NBPF9: variants seen among roughly 807,000 people sequenced by gnomAD.
The protein encoded by NBPF9 is NBPF member 9.
In NBPF9, 91 loss-of-function variants were observed where a neutral mutation model predicts 97.8. That is an observed-to-expected ratio of 0.93 (90% CI 0.79 to 1.11). NBPF9 has a LOEUF of 1.11. Ranked by LOEUF, NBPF9 falls within the 50% of genes least tolerant of loss-of-function variation. NBPF9 has a pLI of 0.00. For missense variants in NBPF9, 992 were observed against 939.5 expected (o/e 1.06, Z -0.73); for synonymous variants, 334 against 359.5 (o/e 0.93, Z 0.80).
At chr1:149,076,505 A>C (rs1225428753) in intron 11 of NBPF9, among the ~76,000 whole-genome samples, 2 of 122,942 alleles carry the variant, frequency 1.6e-5, no homozygotes, top group East Asian at 2.4e-4. Flanking sequence ...CAGAGACTTT[A>C]TTTTTTTTTT....
At chr1:149,089,693 G>A (rs1553246787) in intron 5 of NBPF9, among the ~76,000 whole-genome samples, 7,574 of 150,588 alleles carry the variant, frequency 0.05, 30 homozygotes, top group East Asian at 0.37. Flanking sequence ...ACAGCTCAGC[G>A]TAAAGCACTC....
rs111393524 is a variant in NBPF9 at position 149,072,983 on chromosome 1, C to T, written c.1092-51G>A. ...TAAGAGTGGAAAGGGTTGAGTGATC[C>T]GCTCAAATATTGCAACAGAGATTTC... On this transcript the variant is annotated intron_variant, in intron 13 of 29. Transcript: ENST00000584027. 120 of 1,577,808 alleles carry T rather than the reference C, an allele frequency of 7.6e-5. 3 individuals carry two copies. The highest frequency in any genetic ancestry group is 1.4e-4 in the South Asian group (13 of 90,434).
At chr1:149,058,784 T>C (rs2078405984) in intron 26 of NBPF9, 141 bp downstream of exon 26, 2 of 669,832 alleles carry the variant, frequency 3.0e-6, no homozygotes, top group Admixed American at 2.2e-5. Flanking sequence ...GACTACAGTT[T>C]CATTACAACC....
intron 4 of NBPF9, among the ~76,000 whole-genome samples, chr1:149,095,641 A>G (rs2081704292): frequency 2.1e-5 from 3 of 140,172 alleles, no homozygotes; most frequent in South Asian, 2.3e-4. Context: ...AAAAAAAAAA[A>G]GGTGAAAGAT....
intron 17 of NBPF9, among the ~76,000 whole-genome samples, chr1:149,069,033 A>G (rs587740076): frequency 9.2e-5 from 14 of 152,344 alleles, no homozygotes; most frequent in African/African-American, 3.4e-4. Context: ...CTGGGAAAAT[A>G]ACAAAATGAA....
chr1:149,070,086 C>T (rs1347550353), intron 16 of NBPF9, among the ~76,000 whole-genome samples: 9 of 133,428 alleles, frequency 6.7e-5, no homozygotes, highest in African/African-American at 2.6e-4. Flanking sequence ...TTTGGGAGGC[C>T]AAGACAGGTG....
chr1:149,059,291 G>GAC, intron 25 of NBPF9, 194 bp from the exon 26 acceptor site: 1 of 485,090 alleles, frequency 2.1e-6, no homozygotes, highest in African/African-American at 2.4e-5. Flanking sequence ...GAAAGACAGG[G>GAC]AGAGACAGAG....
intron 7 of NBPF9, among the ~76,000 whole-genome samples, chr1:149,080,713 C>A (rs1210109093): frequency 7.3e-6 from 1 of 136,786 alleles, no homozygotes; most frequent in Non-Finnish European, 1.6e-5. Context: ...GAAATATGCC[C>A]AAATACTTTA....
At chr1:149,055,795 A>C in exon 30 of NBPF9, 3 of 1,611,242 alleles carry the variant, frequency 1.9e-6, no homozygotes. Flanking sequence ...GTAGTGCTGG[A>C]ATGAGTCAGG....
intron 2 of NBPF9, 143 bp from the exon 3 acceptor site, chr1:149,101,522 AG>A (rs2082143453): frequency 6.6e-6 from 1 of 152,312 alleles, no homozygotes; most frequent in South Asian, 2.1e-4. Context: ...TCCGGAAAAA[AG>A]TATTACAAAT....
chr1:149,062,537 ACT>A (rs1344861801), intron 21 of NBPF9, among the ~76,000 whole-genome samples: 1 of 143,006 alleles, frequency 7.0e-6, no homozygotes, highest in Non-Finnish European at 1.5e-5. Flanking sequence ...GTCAAAGGAC[ACT>A]CTGAGTTAGT....
chr1:149,102,117 TA>T, intron 2 of NBPF9, among the ~76,000 whole-genome samples: 1 of 102,898 alleles, frequency 9.7e-6, no homozygotes, highest in East Asian at 2.7e-4. Context: ...TTAGTAGAGA[TA>T]GGGTTTTGGC....
intron 24 of NBPF9, 72 bp from the exon 25 acceptor site, chr1:149,059,880 T>A: frequency 2.0e-6 from 1 of 500,786 alleles, no homozygotes; most frequent in Admixed American, 2.8e-5. Flanking sequence ...CACTGTCTAA[T>A]CCTCACACAG....
chr1:149,072,870 C>T lies in NBPF9; in HGVS notation c.1154G>A (p.Arg385Gln), dbSNP rs587768291. 236 of 1,605,774 alleles carry T rather than the reference C, an allele frequency of 1.5e-4. 8 individuals are homozygous for T. Among genetic ancestry groups the T allele is most frequent in the South Asian group, 1.1e-3 (103 of 90,842 alleles). ...TGAGCGGGAGGCATCTCTCCCTTCC[C>T]GCAACTTCTCCCTTAACTGGGTCAG... Residue 385 changes from arginine (R) to glutamine (Q), a missense_variant, in exon 14 of 30, where the codon CGG (arginine) becomes CAG (glutamine). By Grantham distance (43) the Arg-to-Gln change is conservative. This residue lies in a region of NBPF9 where 187 missense variants were observed against 149.6 expected (regional missense o/e 1.25). Coordinates refer to ENST00000584027, the Ensembl canonical transcript of NBPF9.
intron 20 of NBPF9, 65 bp downstream of exon 20, chr1:149,063,568 G>T (rs2078786351): frequency 4.9e-6 from 3 of 616,434 alleles, no homozygotes; most frequent in Non-Finnish European, 8.5e-6. Context: ...GCCACTTGCA[G>T]TAGGAATATG....
At chr1:149,069,185 T>G (rs1346571223) in intron 17 of NBPF9, among the ~76,000 whole-genome samples, 57 of 148,744 alleles carry the variant, frequency 3.8e-4, no homozygotes, top group South Asian at 8.6e-4. Flanking sequence ...GATCTAAAAT[T>G]GACACCCTAA....
intron 15 of NBPF9, 122 bp from the exon 16 acceptor site, chr1:149,071,261 G>T: frequency 7.4e-7 from 1 of 1,345,738 alleles, no homozygotes; most frequent in Non-Finnish European, 1.1e-6. Flanking sequence ...CAAAATGGAG[G>T]TTCCCATTAA....
intron 12 of NBPF9, among the ~76,000 whole-genome samples, chr1:149,075,407 T>G (rs1245559773): frequency 3.3e-5 from 5 of 152,230 alleles, no homozygotes. Context: ...ATTCTGTGCC[T>G]GTGTCAGAAA....
rs781986175 is a variant in NBPF9, at chr1:149,070,987, A to C, written c.1532T>G (p.Leu511Arg). The C allele has an allele frequency of 5.0e-6, 8 of 1,612,502 alleles. No homozygotes were observed. The Admixed American group carries it at 1.3e-4, about 27-fold the overall frequency. The change falls in exon 16 of 30, where the codon CTC becomes CGC. Residue 511 changes from leucine (L) to arginine (R), a missense_variant. Physicochemically the swap from Leu to Arg is moderately radical, Grantham distance 102. Transcript: ENST00000584027. ...TTCAACATGAGAGGATGAGCCAATG[A>C]GAGTTGAGTCGACTTTGTCTTCCTC...
Sources: allele counts gnomAD v4.1 joint callset (sites outside exome capture counted in the v4.1 genomes callset), GRCh38; gene constraint gnomAD v4.1.1; regional missense constraint gnomAD v4.1.1; transcripts MANE v1.5; gene names NCBI Gene and HGNC (gene_info 2026-07-23, HGNC 2026-07-21).